The following PRKCQ variants were observed in gnomAD, a reference collection of about 807,000 sequenced individuals.
PRKCQ encodes the protein protein kinase C theta type.
In PRKCQ, 41 loss-of-function variants were observed where a neutral mutation model predicts 91.2. That is an observed-to-expected ratio of 0.45 (90% CI 0.35 to 0.58). The LOEUF is 0.58. PRKCQ is among the 20% of genes least tolerant of loss of function. The pLI, the probability that PRKCQ is intolerant of heterozygous loss-of-function variation, is 0.00. For missense variants in PRKCQ, 673 were observed against 896.5 expected, an observed-to-expected ratio of 0.75 and a Z score of 3.18; for synonymous variants, 307 against 316.9, an observed-to-expected ratio of 0.97 and a Z score of 0.33.
chr10:6,498,398 G>C lies in PRKCQ; in HGVS notation c.540C>G (p.Val180=). 6.2e-7 allele frequency: 1 copy of C among 1,614,108 alleles called. No homozygotes were observed. The highest frequency in any genetic ancestry group is 1.3e-5 in the African/African-American group (1 of 75,052). Residue 180 remains valine, a splice_region_variant and synonymous_variant, in exon 5 of 18, where the codon GTC becomes GTG. Coordinates refer to ENST00000263125, the MANE Select transcript of PRKCQ (RefSeq NM_006257.5). ...AGGGAGATGCCAAGTTACTGTACCA[G>C]ACAAACTCGTGGCAGACAGAGCAAA... ...PTFCSVCHEF[V]WGLNKQGYQC...
At chr10:6,573,077 TAC>T (rs1841100776) in intron 1 of PRKCQ, among the ~76,000 whole-genome samples, 1 of 152,222 alleles carries the variant, frequency 6.6e-6, no homozygotes, top group African/African-American at 2.4e-5. Context: ...AACCAAATGA[TAC>T]AGTTTCATGA....
At chr10:6,486,634 C>T (rs1836934917) in intron 8 of PRKCQ, among the ~76,000 whole-genome samples, 1 of 152,246 alleles carries the variant, frequency 6.6e-6, no homozygotes, top group South Asian at 2.1e-4. Context: ...ATACCGTTGG[C>T]CAATGAAGCT....
downstream of PRKCQ, among the ~76,000 whole-genome samples, chr10:6,426,491 A>G (rs571003526): frequency 1.4e-4 from 21 of 152,208 alleles, no homozygotes; most frequent in Non-Finnish European, 2.2e-4. Flanking sequence ...GCCTTCTCAC[A>G]TAACTAGAGG....
chr10:6,533,389 G>C (rs777387701), intron 1 of PRKCQ, among the ~76,000 whole-genome samples: 4 of 152,076 alleles, frequency 2.6e-5, no homozygotes, highest in Non-Finnish European at 4.4e-5. Context: ...TGGAGACGGG[G>C]TTTCACCACG....
At position 6,485,389 on chromosome 10, in the gene PRKCQ, TCTC is replaced by T. The variant is rs571679246; in HGVS notation, c.901-123_901-121del. The T allele has an allele frequency of 2.5e-4, 188 of 758,652 alleles. 4 individuals carry two copies. In the South Asian group the frequency reaches 2.6e-3, roughly 11 times the overall value. 47.0% of individuals were successfully genotyped at this position (758,652 alleles called of 1,614,324 possible). A position where few individuals can be genotyped will look rare whatever the true frequency, so the allele number is the denominator to read the frequency against. ...TTTAAATGCATAGGGTCAACAAAGA[TCTC>T]CTTATCCTCAACGTTCTTTTGGAAC... On this transcript the variant is annotated intron_variant, in intron 9 of 17. Transcript: ENST00000263125.
At chr10:6,445,297 G>A (rs1227018763) in intron 15 of PRKCQ, among the ~76,000 whole-genome samples, 1 of 152,114 alleles carries the variant, frequency 6.6e-6, no homozygotes, top group Non-Finnish European at 1.5e-5. Flanking sequence ...TCAGTGCTAA[G>A]TGAGGCCCAG....
At chr10:6,397,518 G>A in the PRKCQ span, among the ~76,000 whole-genome samples, 122 of 152,316 alleles carry the variant, frequency 8.0e-4, no homozygotes, top group Non-Finnish European at 1.3e-3. Flanking sequence ...TCTCTTGGCT[G>A]TCTCTTCACT....
chr10:6,447,019 T>C (rs914655799), intron 15 of PRKCQ, among the ~76,000 whole-genome samples: 2 of 152,240 alleles, frequency 1.3e-5, no homozygotes, highest in African/African-American at 4.8e-5. Context: ...CCAATACCAG[T>C]GTGGTTTCCA....
chr10:6,483,572 C>A lies in PRKCQ; in HGVS notation c.1047G>T (p.Pro349=), dbSNP rs750956251. The A allele has an allele frequency of 6.2e-7, 1 of 1,614,180 alleles. No homozygotes were observed. Among genetic ancestry groups the A allele is most frequent in the African/African-American group, 1.3e-5 (1 of 75,046 alleles). Residue 349 remains proline, a synonymous_variant, in exon 11 of 18, where the codon CCG becomes CCT. Coordinates refer to ENST00000263125, the MANE Select transcript of PRKCQ (RefSeq NM_006257.5). ...GGCACATTTTATCCACCTCATCCAA[C>A]GGAGACTCCCAGGAAATGCCCTGAG... ...REPQGISWES[P]LDEVDKMCHL...
chr10:6,528,992 T>C (rs541468976), intron 1 of PRKCQ, among the ~76,000 whole-genome samples: 6 of 152,330 alleles, frequency 3.9e-5, no homozygotes, highest in Admixed American at 6.5e-5. Flanking sequence ...AATTGGGTGA[T>C]ATAAACAGAG....
the PRKCQ span, among the ~76,000 whole-genome samples, chr10:6,404,272 G>GAGAGAGAA: frequency 6.8e-6 from 1 of 147,614 alleles, no homozygotes. Context: ...GAGAGAGAGA[G>GAGAGAGAA]AGAGAGAGAG....
At chr10:6,503,530 T>TA (rs112111386) in intron 4 of PRKCQ, among the ~76,000 whole-genome samples, 4,462 of 152,230 alleles carry the variant, frequency 0.029, 231 homozygotes, top group African/African-American at 0.1. Context: ...AGTAGTCTGT[T>TA]ATGGAGAGCT....
At chr10:6,568,923 C>T (rs149815921) in intron 1 of PRKCQ, among the ~76,000 whole-genome samples, 2 of 152,204 alleles carry the variant, frequency 1.3e-5, no homozygotes, top group African/African-American at 2.4e-5. Flanking sequence ...AGTCACCTCC[C>T]GGAATTCTAA....
At chr10:6,448,841 A>G (rs1834477406) in intron 15 of PRKCQ, among the ~76,000 whole-genome samples, 1 of 152,244 alleles carries the variant, frequency 6.6e-6, no homozygotes. Context: ...GTGGACCTCT[A>G]GCAAACTCCA....
At chr10:6,403,704 T>C in the PRKCQ span, among the ~76,000 whole-genome samples, 283 of 152,298 alleles carry the variant, frequency 1.9e-3, no homozygotes, top group Middle Eastern at 0.02. Flanking sequence ...TGTATTGCAA[T>C]CCAGTGTTTA....
intron 1 of PRKCQ, among the ~76,000 whole-genome samples, chr10:6,550,743 T>C (rs1200953923): frequency 6.6e-6 from 1 of 152,240 alleles, no homozygotes; most frequent in Non-Finnish European, 1.5e-5. Flanking sequence ...CAGGGTAGAA[T>C]TGCTGGATCA....
the PRKCQ span, among the ~76,000 whole-genome samples, chr10:6,417,380 C>A: frequency 6.6e-6 from 1 of 152,122 alleles, no homozygotes; most frequent in South Asian, 2.1e-4. Context: ...TGGAAAAAAA[C>A]CAAACCAAAA....
upstream of PRKCQ, chr10:6,580,360 G>A (rs1234815378): frequency 6.6e-6 from 1 of 150,730 alleles, no homozygotes; most frequent in Non-Finnish European, 1.5e-5. Flanking sequence ...CCTAGAAGGC[G>A]GTGCCCGCCA....
intron 4 of PRKCQ, among the ~76,000 whole-genome samples, chr10:6,505,395 C>A (rs1002396172): frequency 2.7e-5 from 4 of 150,898 alleles, no homozygotes; most frequent in Non-Finnish European, 5.9e-5. Context: ...ATGAAGGACA[C>A]TTTTTCTCCT....
Sources: allele counts gnomAD v4.1 joint callset (sites outside exome capture counted in the v4.1 genomes callset), GRCh38; gene constraint gnomAD v4.1.1; transcripts MANE v1.5; gene names NCBI Gene and HGNC (gene_info 2026-07-23, HGNC 2026-07-21).